The following RYR2 variants were observed in gnomAD, a reference collection of about 807,000 sequenced individuals.
The protein encoded by RYR2 is ryanodine receptor 2.
Under a neutral mutation model 601.1 loss-of-function variants are expected in RYR2, and 227 were observed. The observed-to-expected ratio is 0.38, with a 90% CI of 0.34 to 0.42. The LOEUF is 0.42. RYR2 is among the 10% of genes least tolerant of loss of function. The probability of loss-of-function intolerance (pLI) is 1.00; values close to 1 mark genes in which losing one functional copy is unlikely to be tolerated. For missense variants in RYR2, 4,646 were observed against 6,156.5 expected (o/e 0.75, Z 8.21); for synonymous variants, 2,223 against 2,175.1 (o/e 1.02, Z -0.61).
intron 1 of RYR2, among the ~76,000 whole-genome samples, chr1:237,154,435 C>G (rs1675083703): frequency 6.6e-6 from 1 of 152,164 alleles, no homozygotes; most frequent in Non-Finnish European, 1.5e-5. Flanking sequence ...GGACTATTGG[C>G]TGAGGAAAGT....
chr1:237,627,844 A>T lies in RYR2; in HGVS notation c.6204A>T (p.Arg2068=). 1.2e-6 allele frequency: 2 copies of T among 1,611,764 alleles called. No individual in the cohort carries two copies. The highest frequency in any genetic ancestry group is 2.2e-5 in the East Asian group (1 of 44,808). ...LQQLISETMV[R]WAQESVIEDP... ...AGCTGATTTCTGAGACCATGGTCCG[A>T]TGGGCTCAGGAGTCTGTCATTGAAG... The change falls in exon 41 of 105, where the codon CGA becomes CGT. Residue 2068 remains arginine, a synonymous_variant. Transcript: ENST00000366574.
At chr1:237,266,200 C>T (rs566243230) in intron 1 of RYR2, among the ~76,000 whole-genome samples, 2 of 152,220 alleles carry the variant, frequency 1.3e-5, no homozygotes, top group East Asian at 1.9e-4. Context: ...AAGACTAATT[C>T]GGAAGAGGCC....
intron 27 of RYR2, among the ~76,000 whole-genome samples, chr1:237,553,554 C>T (rs1194249545): frequency 1.3e-5 from 2 of 151,902 alleles, no homozygotes; most frequent in Non-Finnish European, 2.9e-5. Context: ...TTTTGCATTT[C>T]CATATACATT....
chr1:237,591,148 C>T (rs1399341508), intron 31 of RYR2, among the ~76,000 whole-genome samples, 156 bp downstream of exon 31: 1 of 5,062 alleles, frequency 2.0e-4, no homozygotes, highest in African/African-American at 3.5e-4. Context: ...CTCCTCCTCC[C>T]CCTCCTCCTC....
rs139400462 is a variant in RYR2 at position 237,365,893 on chromosome 1, G to A, written c.309+1521G>A. On this transcript the variant is annotated intron_variant, in intron 5 of 104. Coordinates refer to ENST00000366574, the MANE Select transcript of RYR2 (RefSeq NM_001035.3). ...ATGTAGAATTAGTTAAAAGCAGGTG[G>A]TATGCCTAAAATAATTTAATTAGGC... 6.1e-3 allele frequency among the ~76,000 whole-genome samples: 936 copies of A among 152,322 alleles called. 7 individuals carry two copies. Among genetic ancestry groups the A allele is most frequent in the African/African-American group, 0.02 (823 of 41,564 alleles).
chr1:237,303,535 G>T (rs2149462276), intron 2 of RYR2, among the ~76,000 whole-genome samples: 1 of 152,018 alleles, frequency 6.6e-6, no homozygotes, highest in African/African-American at 2.4e-5. Context: ...CCTTACCTTA[G>T]GTGATCTGCC....
chr1:237,504,111 T>G (rs371961774), intron 22 of RYR2, among the ~76,000 whole-genome samples: 175 of 152,388 alleles, frequency 1.1e-3, no homozygotes, highest in Middle Eastern at 6.8e-3. Flanking sequence ...AAGGTTGTCT[T>G]TAAAGTTTTA....
Position 237,423,440 on chromosome 1 carries a change from A to G in RYR2, c.1005+192A>G, listed in dbSNP as rs534571453. 2.6e-5 allele frequency among the ~76,000 whole-genome samples: 4 copies of G among 152,330 alleles called. No homozygotes were observed. The South Asian group carries it at 6.2e-4, about 24-fold the overall frequency. ...TTTTCTAAACCATTAAAACCTGCCT[A>G]TAGAAACAATCTAAATGTACAATAA... On this transcript the variant is annotated intron_variant, in intron 12 of 104. Transcript: ENST00000366574.
intron 1 of RYR2, among the ~76,000 whole-genome samples, chr1:237,167,497 G>T (rs1676840442): frequency 6.6e-6 from 1 of 152,116 alleles, no homozygotes; most frequent in Non-Finnish European, 1.5e-5. Context: ...ATAACTTTTA[G>T]ACTCGGTGAA....
chr1:237,250,256 A>G (rs1172696260), intron 1 of RYR2, among the ~76,000 whole-genome samples: 1 of 152,186 alleles, frequency 6.6e-6, no homozygotes, highest in Non-Finnish European at 1.5e-5. Flanking sequence ...GTGTTAACAC[A>G]GACACTATCA....
At chr1:237,152,484 C>T (rs1489515872) in intron 1 of RYR2, among the ~76,000 whole-genome samples, 4 of 152,234 alleles carry the variant, frequency 2.6e-5, no homozygotes, top group Non-Finnish European at 2.9e-5. Flanking sequence ...TGTAAAAGTG[C>T]TCTTATTTCT....
intron 1 of RYR2, among the ~76,000 whole-genome samples, chr1:237,064,086 A>G (rs1007466335): frequency 2.6e-5 from 4 of 152,000 alleles, no homozygotes; most frequent in African/African-American, 7.3e-5. Context: ...CTTCTGCCTC[A>G]TTCTCTCTCT....
At chr1:237,744,718 T>TA (rs199825432) in intron 80 of RYR2, among the ~76,000 whole-genome samples, 1,146 of 91,168 alleles carry the variant, frequency 0.013, 18 homozygotes, top group African/African-American at 0.041. Context: ...CCTTCTTTTT[T>TA]TAAAAAAAAA....
intron 17 of RYR2, among the ~76,000 whole-genome samples, chr1:237,487,576 A>AT (rs1662831724): frequency 6.8e-6 from 1 of 146,568 alleles, no homozygotes; most frequent in African/African-American, 2.6e-5. Context: ...AAAAAAAAAA[A>AT]GCTCAGCATG....
chr1:237,422,506 C>A (rs1705696585), intron 11 of RYR2, among the ~76,000 whole-genome samples: 1 of 151,588 alleles, frequency 6.6e-6, no homozygotes, highest in African/African-American at 2.4e-5. Flanking sequence ...CTTTTTTGTT[C>A]ATCGCGTTCT....
chr1:237,732,877 C>T (rs1463483672), intron 78 of RYR2, among the ~76,000 whole-genome samples: 1 of 152,200 alleles, frequency 6.6e-6, no homozygotes, highest in Non-Finnish European at 1.5e-5. Flanking sequence ...TTCCCATTCT[C>T]TGCAGAATTT....
At chr1:237,351,119 T>TATGA (rs1698804619) in intron 3 of RYR2, among the ~76,000 whole-genome samples, 1 of 152,116 alleles carries the variant, frequency 6.6e-6, no homozygotes, top group Non-Finnish European at 1.5e-5. Context: ...TCCATAAGCC[T>TATGA]ATGAATCAAC....
chr1:237,818,138 C>T (rs1662046146), intron 100 of RYR2, among the ~76,000 whole-genome samples: 1 of 152,126 alleles, frequency 6.6e-6, no homozygotes, highest in Admixed American at 6.5e-5. Context: ...TGGAACTTAG[C>T]TTAAATGAGG....
chr1:237,722,240 T>G (rs1207605694), intron 73 of RYR2, among the ~76,000 whole-genome samples: 1 of 152,180 alleles, frequency 6.6e-6, no homozygotes. Context: ...CACTCATCCT[T>G]AAGCCCTAGT....
Sources: gnomAD v4.1 joint callset for allele counts (sites outside exome capture counted in the v4.1 genomes callset) on GRCh38, gnomAD v4.1.1 for gene constraint, MANE v1.5 for transcripts, NCBI Gene and HGNC (gene_info 2026-07-23, HGNC 2026-07-21) for gene names.